ABCD3: variants seen among roughly 807,000 people sequenced by gnomAD.
ABCD3 encodes ATP-binding cassette sub-family D member 3.
In ABCD3, 41 loss-of-function variants were observed where a neutral mutation model predicts 105.5. The observed-to-expected ratio is 0.39, with a 90% CI of 0.30 to 0.50. The LOEUF (loss-of-function observed/expected upper bound fraction) is 0.50, where lower values mean the gene tolerates loss of function less well. Among genes scored for constraint, ABCD3 ranks in the 20% least tolerant of loss-of-function variants. ABCD3 has a pLI of 0.84. For missense variants in ABCD3, 622 were observed against 806.3 expected (o/e 0.77, Z 2.77); for synonymous variants, 258 against 269.0 (o/e 0.96, Z 0.40).
At chr1:94,402,860 A>G in the ABCD3 span, among the ~76,000 whole-genome samples, 1 of 151,778 alleles carries the variant, frequency 6.6e-6, no homozygotes, top group East Asian at 1.9e-4. Flanking sequence ...TGTGCAGGTT[A>G]GTTACATATG....
chr1:94,443,898 A>G (rs1057480545), intron 1 of ABCD3, among the ~76,000 whole-genome samples: 2 of 152,132 alleles, frequency 1.3e-5, no homozygotes, highest in African/African-American at 4.8e-5. Flanking sequence ...TCACTTTCTA[A>G]TATTGGTTAT....
chr1:94,492,235 T>C (rs1026532509), intron 16 of ABCD3, among the ~76,000 whole-genome samples: 1 of 152,116 alleles, frequency 6.6e-6, no homozygotes, highest in African/African-American at 2.4e-5. Context: ...TTGTGTTTCA[T>C]GTGGGGATTT....
At chr1:94,459,470 A>G (rs1328226442) in intron 2 of ABCD3, among the ~76,000 whole-genome samples, 2 of 152,202 alleles carry the variant, frequency 1.3e-5, no homozygotes, top group African/African-American at 4.8e-5. Flanking sequence ...TATGAATACA[A>G]TATTGCTAAA....
chr1:94,392,913 A>G, the ABCD3 span, among the ~76,000 whole-genome samples: 1 of 151,966 alleles, frequency 6.6e-6, no homozygotes, highest in Admixed American at 6.6e-5. Context: ...AGAGATGGAG[A>G]CTATCCTGGC....
At chr1:94,408,593 CA>C in the ABCD3 span, among the ~76,000 whole-genome samples, 13 of 151,840 alleles carry the variant, frequency 8.6e-5, no homozygotes, top group African/African-American at 2.9e-4. Context: ...GACTCCATCT[CA>C]AAAAACAAAC....
chr1:94,486,162 A>C (rs772045408), intron 10 of ABCD3, among the ~76,000 whole-genome samples: 12 of 152,168 alleles, frequency 7.9e-5, no homozygotes, highest in Non-Finnish European at 1.2e-4. Context: ...ACTGCACTCC[A>C]GCCTTGGCGA....
chr1:94,472,455 T>A (rs1009029862), intron 4 of ABCD3, among the ~76,000 whole-genome samples: 2 of 10,206 alleles, frequency 2.0e-4, no homozygotes, highest in East Asian at 1.8e-3. Context: ...GTAGTTAGCG[T>A]TTTTTTTTTT....
intron 4 of ABCD3, 30 bp downstream of exon 4, chr1:94,468,037 G>T (rs984343329): frequency 5.5e-6 from 8 of 1,456,980 alleles, no homozygotes; most frequent in Non-Finnish European, 6.7e-6. Context: ...CCTCCTATAT[G>T]TATGAAATGC....
chr1:94,433,199 G>A (rs34166167), intron 1 of ABCD3, among the ~76,000 whole-genome samples: 6,732 of 145,706 alleles, frequency 0.046, 210 homozygotes, highest in Non-Finnish European at 0.07. Context: ...TTGTTGCCCA[G>A]TGTGGAATGC....
the ABCD3 span, among the ~76,000 whole-genome samples, chr1:94,392,371 T>C: frequency 6.6e-6 from 1 of 152,214 alleles, no homozygotes; most frequent in African/African-American, 2.4e-5. Context: ...TGCAGAATGG[T>C]GCCTACAGTA....
the ABCD3 span, among the ~76,000 whole-genome samples, chr1:94,390,286 A>C: frequency 6.6e-6 from 1 of 151,688 alleles, no homozygotes; most frequent in East Asian, 1.9e-4. Flanking sequence ...GCACTTATTA[A>C]TTTTTTTTAT....
intron 1 of ABCD3, among the ~76,000 whole-genome samples, chr1:94,427,245 G>A (rs1048435959): frequency 6.6e-6 from 1 of 152,044 alleles, no homozygotes; most frequent in African/African-American, 2.4e-5. Flanking sequence ...CTGTCACAGA[G>A]GTGTGAAGGT....
chr1:94,388,627 C>G, the ABCD3 span, among the ~76,000 whole-genome samples: 1 of 152,154 alleles, frequency 6.6e-6, no homozygotes, highest in Non-Finnish European at 1.5e-5. Context: ...ATAAAGTTAT[C>G]TAAGAATATA....
At chr1:94,435,430 A>G (rs1659864904) in intron 1 of ABCD3, among the ~76,000 whole-genome samples, 2 of 152,136 alleles carry the variant, frequency 1.3e-5, no homozygotes, top group Admixed American at 6.6e-5. Flanking sequence ...AATTCCAGCT[A>G]CTGAGGTGGG....
chr1:94,467,040 A>G (rs2100979724), intron 3 of ABCD3, among the ~76,000 whole-genome samples: 1 of 152,320 alleles, frequency 6.6e-6, no homozygotes, highest in Non-Finnish European at 1.5e-5. Context: ...GTCACCCAGC[A>G]TCTTGACTTT....
At chr1:94,392,819 A>G in the ABCD3 span, among the ~76,000 whole-genome samples, 1 of 152,188 alleles carries the variant, frequency 6.6e-6, no homozygotes, top group Non-Finnish European at 1.5e-5. Flanking sequence ...CTGTCTAGAA[A>G]AGTCTTATTG....
At chr1:94,453,850 A>C (rs1647394683) in intron 1 of ABCD3, among the ~76,000 whole-genome samples, 1 of 151,054 alleles carries the variant, frequency 6.6e-6, no homozygotes, top group African/African-American at 2.4e-5. Context: ...TTTGTTTTCT[A>C]ACTCATTAGA....
intron 21 of ABCD3, among the ~76,000 whole-genome samples, chr1:94,511,777 A>G (rs1650685177): frequency 6.6e-6 from 1 of 151,962 alleles, no homozygotes; most frequent in African/African-American, 2.4e-5. Flanking sequence ...CTTCCAGTTG[A>G]TCACATCGGC....
intron 4 of ABCD3, 71 bp from the exon 5 acceptor site, chr1:94,473,695 T>C: frequency 8.7e-7 from 1 of 1,148,728 alleles, no homozygotes; most frequent in South Asian, 1.2e-5. Context: ...ATTTTAGAGC[T>C]TTACAGAAGT....
Sources: allele counts gnomAD v4.1 joint callset (sites outside exome capture counted in the v4.1 genomes callset), GRCh38; gene constraint gnomAD v4.1.1; transcripts MANE v1.5; gene names NCBI Gene and HGNC (gene_info 2026-07-23, HGNC 2026-07-21).